Variants in CATSPERT observed in about 807,000 individuals in gnomAD.
CATSPERT encodes the protein catsper channel auxiliary subunit tau.
At chr2:201,605,134 A>G in the CATSPERT span, among the ~76,000 whole-genome samples, 2 of 151,980 alleles carry the variant, frequency 1.3e-5, no homozygotes, top group East Asian at 3.9e-4. Context: ...ATACATGCAC[A>G]TGCACACACA....
chr2:201,535,374 G>A, the CATSPERT span: 2 of 979,490 alleles, frequency 2.0e-6, no homozygotes, highest in South Asian at 4.7e-5. Context: ...AAGATATAAA[G>A]ATATAAGTAG....
At chr2:201,499,922 C>A in the CATSPERT span, among the ~76,000 whole-genome samples, 1 of 148,828 alleles carries the variant, frequency 6.7e-6, no homozygotes, top group Non-Finnish European at 1.5e-5. Flanking sequence ...TATATCCAAT[C>A]ACTTTTTCCC....
chr2:201,497,111 A>C, the CATSPERT span, among the ~76,000 whole-genome samples: 1 of 152,238 alleles, frequency 6.6e-6, no homozygotes, highest in Non-Finnish European at 1.5e-5. Flanking sequence ...ATAACAATTC[A>C]ATGAGTAACA....
chr2:201,490,501 T>C, the CATSPERT span, among the ~76,000 whole-genome samples: 2 of 152,150 alleles, frequency 1.3e-5, no homozygotes, highest in Middle Eastern at 3.2e-3. Context: ...TCCAGCCAGT[T>C]TTCCACAATC....
chr2:201,577,694 T>C, the CATSPERT span, among the ~76,000 whole-genome samples: 1 of 151,992 alleles, frequency 6.6e-6, no homozygotes. Context: ...GTCAATCTCA[T>C]AGAAACAGTA....
chr2:201,574,778 CT>C, the CATSPERT span, among the ~76,000 whole-genome samples: 1 of 151,922 alleles, frequency 6.6e-6, no homozygotes, highest in African/African-American at 2.4e-5. Context: ...TTTTATGTTC[CT>C]AGCCCCTGTT....
the CATSPERT span, among the ~76,000 whole-genome samples, chr2:201,551,863 G>T: frequency 1.3e-5 from 2 of 148,922 alleles, no homozygotes; most frequent in African/African-American, 5.0e-5. Context: ...AGCTGAGATC[G>T]CACCATCGCA....
At chr2:201,584,123 T>C in the CATSPERT span, among the ~76,000 whole-genome samples, 1 of 151,576 alleles carries the variant, frequency 6.6e-6, no homozygotes, top group Non-Finnish European at 1.5e-5. Flanking sequence ...ATCCCATCTC[T>C]ACAAAAAAAT....
the CATSPERT span, among the ~76,000 whole-genome samples, chr2:201,581,764 A>G: frequency 1.3e-5 from 2 of 150,670 alleles, no homozygotes; most frequent in East Asian, 3.9e-4. Flanking sequence ...ATGGGCCACC[A>G]TGTCCAGCTA....
At chr2:201,548,115 T>G in the CATSPERT span, among the ~76,000 whole-genome samples, 1 of 152,144 alleles carries the variant, frequency 6.6e-6, no homozygotes, top group East Asian at 1.9e-4. Context: ...GTTTGATACA[T>G]AGGTATACAT....
chr2:201,604,145 ATG>A, the CATSPERT span, among the ~76,000 whole-genome samples: 4,036 of 148,124 alleles, frequency 0.027, 229 homozygotes, highest in East Asian at 0.21. Flanking sequence ...GTGTGTGTGT[ATG>A]TGTGTGTGTG....
At chr2:201,565,998 C>T in the CATSPERT span, 15 of 791,120 alleles carry the variant, frequency 1.9e-5, no homozygotes, top group Admixed American at 3.6e-5. Flanking sequence ...CTTGGGCCAT[C>T]GAAGGCTAGA....
the CATSPERT span, among the ~76,000 whole-genome samples, chr2:201,539,395 A>G: frequency 2.0e-5 from 3 of 151,830 alleles, no homozygotes; most frequent in East Asian, 5.8e-4. Context: ...TATGGTTTTG[A>G]TTCACATTTC....
chr2:201,535,014 T>C, the CATSPERT span: 1 of 532,458 alleles, frequency 1.9e-6, no homozygotes, highest in African/African-American at 2.1e-5. Context: ...TTGTTAAATC[T>C]AGCAGTAGAA....
At chr2:201,608,852 A>C in the CATSPERT span, among the ~76,000 whole-genome samples, 1 of 151,706 alleles carries the variant, frequency 6.6e-6, no homozygotes, top group African/African-American at 2.4e-5. Context: ...CAAAGAAAGA[A>C]AGAAAAAAGA....
At chr2:201,518,219 A>T in the CATSPERT span, among the ~76,000 whole-genome samples, 8 of 152,268 alleles carry the variant, frequency 5.3e-5, no homozygotes, top group East Asian at 1.5e-3. Context: ...GTTGGGGTGG[A>T]GGTAGGGGGA....
chr2:201,525,929 C>T, the CATSPERT span, among the ~76,000 whole-genome samples: 1 of 151,950 alleles, frequency 6.6e-6, no homozygotes, highest in Admixed American at 6.6e-5. Context: ...GAAACTGAAA[C>T]CCTGAACAGA....
At chr2:201,519,586 A>C in the CATSPERT span, among the ~76,000 whole-genome samples, 2 of 152,190 alleles carry the variant, frequency 1.3e-5, no homozygotes, top group African/African-American at 4.8e-5. Flanking sequence ...ATACAAGAGA[A>C]TACAGATTGA....
At chr2:201,493,649 G>A in the CATSPERT span, 1 of 1,537,252 alleles carries the variant, frequency 6.5e-7, no homozygotes, top group Non-Finnish European at 8.7e-7. Context: ...CTCTTCCAAG[G>A]TGTAGGTAAT....
Sources: gnomAD v4.1 joint callset for allele counts (sites outside exome capture counted in the v4.1 genomes callset) on GRCh38, gnomAD v4.1.1 for gene constraint, MANE v1.5 for transcripts, NCBI Gene and HGNC (gene_info 2026-07-23, HGNC 2026-07-21) for gene names.